EBF4: variants seen among roughly 807,000 people sequenced by gnomAD.
EBF4 encodes the protein transcription factor COE4.
In EBF4, 34 loss-of-function variants were observed where a neutral mutation model predicts 67.1. The observed-to-expected ratio is 0.51, with a 90% confidence interval of 0.39 to 0.67. The LOEUF (loss-of-function observed/expected upper bound fraction) is 0.67. Ranked by LOEUF, EBF4 falls within the 30% of genes least tolerant of loss-of-function variation. The probability of loss-of-function intolerance (pLI) is 0.00; values close to 1 mark genes in which losing one functional copy is unlikely to be tolerated. For missense variants in EBF4, 837 were observed against 873.3 expected, an observed-to-expected ratio of 0.96 and a Z score of 0.52; for synonymous variants, 387 against 377.7, an observed-to-expected ratio of 1.02 and a Z score of -0.29.
At chr20:2,708,136 T>G in intron 5 of EBF4, 116 bp downstream of exon 5, 2 of 1,042,898 alleles carry the variant, frequency 1.9e-6, no homozygotes, top group African/African-American at 1.6e-5. Context: ...TGCTGCTCCC[T>G]GGAGAAGCCT....
intron 1 of EBF4, among the ~76,000 whole-genome samples, chr20:2,695,198 G>C (rs775777090): frequency 3.3e-5 from 5 of 151,730 alleles, no homozygotes; most frequent in Non-Finnish European, 5.9e-5. Context: ...GCTGTGTGGC[G>C]AGAGCTCTTT....
In EBF4 at chr20:2,756,120, C is replaced by T. The variant is rs2088239621; in HGVS notation, c.1738+296C>T. Among the ~76,000 whole-genome samples the T allele has an allele frequency of 6.6e-6, 1 of 152,224 alleles. No homozygotes were observed. The highest frequency in any genetic ancestry group is 2.4e-5 in the African/African-American group (1 of 41,450). ...GAGGTCTAGAAACTACCCCAACACT[C>T]CATCCCCATCCAGCTGAGCCCAGAG... On this transcript the variant is annotated intron_variant, in intron 15 of 16. Transcript: ENST00000609451. This position sits in a 1 kb window ranked among gnomAD's most constrained non-coding sequence, Gnocchi z 4.5.
chr20:2,742,863 C>T (rs912144842), intron 6 of EBF4, among the ~76,000 whole-genome samples: 1 of 152,196 alleles, frequency 6.6e-6, no homozygotes, highest in Non-Finnish European at 1.5e-5. Flanking sequence ...TCAAGCCCCT[C>T]AACAAAGTGC....
At chr20:2,732,437 A>G (rs907485524) in intron 6 of EBF4, among the ~76,000 whole-genome samples, 3 of 152,214 alleles carry the variant, frequency 2.0e-5, no homozygotes, top group Non-Finnish European at 4.4e-5. Flanking sequence ...TTAGATACAC[A>G]TGCTTATAAT....
intron 6 of EBF4, among the ~76,000 whole-genome samples, chr20:2,729,846 T>TC (rs1165653832): frequency 6.6e-6 from 1 of 152,136 alleles, no homozygotes; most frequent in Non-Finnish European, 1.5e-5. Flanking sequence ...TTCAATTTCC[T>TC]CCCTCACAGG....
At chr20:2,705,647 C>T (rs775299839) in exon 2 of EBF4, 6 of 1,553,330 alleles carry the variant, frequency 3.9e-6, no homozygotes, top group Non-Finnish European at 5.2e-6. Flanking sequence ...CAACTTCTTC[C>T]ACTTCGTGCT....
In EBF4 at chr20:2,705,656, CT is replaced by C. The variant is rs1257143530; in HGVS notation, c.218del (p.Leu73ArgfsTer128). 6.4e-7 allele frequency: 1 copy of C among 1,553,092 alleles called. No homozygotes were observed. The highest frequency in any genetic ancestry group is 1.4e-5 in the African/African-American group (1 of 73,206). On this transcript the variant is annotated frameshift_variant, in exon 2 of 17. Coordinates refer to ENST00000609451, the Ensembl canonical transcript of EBF4. LOFTEE classifies it high-confidence loss of function. ...GAAATCCAACTTCTTCCACTTCGTGCTGGCCATGTACGACCGGCAGGGGCAG... is the reference window on the plus strand; with the variant it reads ...GAAATCCAACTTCTTCCACTTCGTGCGGCCATGTACGACCGGCAGGGGCAG...
At chr20:2,718,756 T>C (rs8124547) in intron 6 of EBF4, among the ~76,000 whole-genome samples, 14,276 of 152,190 alleles carry the variant, frequency 0.094, 1,806 homozygotes, top group African/African-American at 0.29. Context: ...TTCTCTATCA[T>C]TTTTCTGTTT....
chr20:2,747,677 G>T lies in EBF4; in HGVS notation c.558-872G>T, dbSNP rs1387550449. 6.6e-6 allele frequency among the ~76,000 whole-genome samples: 1 copy of T among 152,160 alleles called. No individual in the cohort carries two copies. Among genetic ancestry groups the T allele is most frequent in the African/African-American group, 2.4e-5 (1 of 41,424 alleles). ...CATGTGGGAGGTGAATTTGCTGGGG[G>T]CATCTGCTATATGGGATGGCTTTAC... On this transcript the variant is annotated intron_variant, in intron 6 of 16. Transcript: ENST00000609451. This position sits in a 1 kb window ranked among gnomAD's most constrained non-coding sequence, Gnocchi z 4.6.
At chr20:2,741,759 A>G (rs905348626) in intron 6 of EBF4, among the ~76,000 whole-genome samples, 7 of 152,178 alleles carry the variant, frequency 4.6e-5, no homozygotes, top group Non-Finnish European at 1.0e-4. Context: ...CATTAGTTGG[A>G]TGACCACTGT....
intron 1 of EBF4, among the ~76,000 whole-genome samples, chr20:2,695,844 A>G (rs1288612826): frequency 6.6e-6 from 1 of 152,056 alleles, no homozygotes; most frequent in Non-Finnish European, 1.5e-5. Context: ...TGCTCTCCCA[A>G]AAGACTCCCT....
intron 15 of EBF4, among the ~76,000 whole-genome samples, chr20:2,757,608 T>TG (rs2088265366): frequency 6.6e-6 from 1 of 152,136 alleles, no homozygotes; most frequent in East Asian, 1.9e-4. Flanking sequence ...GCTGAAGGTA[T>TG]GTGGGTGGGA....
At position 2,752,475 on chromosome 20, in the gene EBF4, C is replaced by T. The variant is rs1301906236; in HGVS notation, c.1470C>T (p.Gly490=). Residue 490 remains glycine (G), a synonymous_variant, in exon 14 of 17, where the codon GGC becomes GGT. Coordinates refer to ENST00000609451, the Ensembl canonical transcript of EBF4. Reference sequence around the variant, plus strand: ...GCCTGGGCGGCTACGGCGCGCCGGGCGTGGCCGGCCTCGGCGTGCCTGGGT... The same window carrying T: ...GCCTGGGCGGCTACGGCGCGCCGGGTGTGGCCGGCCTCGGCGTGCCTGGGT... 6.3e-6 allele frequency: 8 copies of T among 1,265,078 alleles called. No individual in the cohort carries two copies. The Admixed American group carries it at 1.7e-4, about 26-fold the overall frequency. 78.4% of individuals were successfully genotyped at this position (1,265,078 alleles called of 1,614,324 possible).
chr20:2,728,283 G>A (rs2087770219), intron 6 of EBF4, among the ~76,000 whole-genome samples: 1 of 152,134 alleles, frequency 6.6e-6, no homozygotes, highest in Non-Finnish European at 1.5e-5. Context: ...CCACTCTCAT[G>A]AAATAAAAAT....
rs144043449 is a variant in EBF4 at position 2,751,076 on chromosome 20, TAC to T, written c.1019-613_1019-612del. ...CGTGGGGAGCTGGGTCAGACGCGCA[TAC>T]ACACACACACCCCTTGCACAACGCC... On this transcript the variant is annotated intron_variant, in intron 10 of 16. Transcript: ENST00000609451. This position sits in a 1 kb window ranked among gnomAD's most constrained non-coding sequence, Gnocchi z 5.2. 6.6e-6 allele frequency among the ~76,000 whole-genome samples: 1 copy of T among 151,384 alleles called. No homozygotes were observed. Among genetic ancestry groups the T allele is most frequent in the Non-Finnish European group, 1.5e-5 (1 of 67,792 alleles).
At chr20:2,738,906 A>G (rs2087927826) in intron 6 of EBF4, among the ~76,000 whole-genome samples, 1 of 152,170 alleles carries the variant, frequency 6.6e-6, no homozygotes, top group African/African-American at 2.4e-5. Flanking sequence ...GTGCGGGTGC[A>G]TTGGCATGCT....
chr20:2,700,058 C>A (rs1172750754), intron 1 of EBF4, among the ~76,000 whole-genome samples: 3 of 152,208 alleles, frequency 2.0e-5, no homozygotes, highest in African/African-American at 7.2e-5. Context: ...TAGAAGCCCT[C>A]CACCAGTGAC....
chr20:2,751,948 C>T lies in EBF4; in HGVS notation c.1134C>T (p.Asp378=). The change falls in exon 12 of 17, where the codon GAC becomes GAT. Residue 378 remains aspartate (D), a synonymous_variant. Transcript: ENST00000609451. This position sits in a 1 kb window ranked among gnomAD's most constrained non-coding sequence, Gnocchi z 5.2. The stretch of plus-strand genomic sequence containing the variant: ...AAGTGCTGCTGAAGCGGGCGGCCGA[C>T]TTGGCAGAAGCCCTGTACGGAGTGC... 5.8e-6 allele frequency: 9 copies of T among 1,549,196 alleles called. No homozygotes were observed. The highest frequency in any genetic ancestry group is 7.8e-6 in the Non-Finnish European group (9 of 1,146,790).
At position 2,693,882 on chromosome 20, in the gene EBF4, C is replaced by T; in HGVS notation, c.137+100C>T. 7 of 1,243,490 alleles carry T rather than the reference C, an allele frequency of 5.6e-6. No individual in the cohort carries two copies. The highest frequency in any genetic ancestry group is 7.1e-6 in the Non-Finnish European group (7 of 990,836). The allele number at this position is 1,243,490 out of a possible 1,614,324, so 77.0% of individuals were successfully genotyped here. A position where few individuals can be genotyped will look rare whatever the true frequency, so the allele number is the denominator to read the frequency against. ...GCTGGAGCCAGGGGCGGAAGGAGCC[C>T]TAACTCTGGACGGTCCCGGCGAGCT... On this transcript the variant is annotated intron_variant, in intron 1 of 16. Coordinates refer to ENST00000609451, the Ensembl canonical transcript of EBF4. The surrounding 1 kb of genome is among the most constrained non-coding windows in gnomAD (Gnocchi z 4.6).
Sources: gnomAD v4.1 joint callset for allele counts (sites outside exome capture counted in the v4.1 genomes callset) on GRCh38, gnomAD v4.1.1 for gene constraint, Gnocchi (gnomAD v3.1) non-coding constraint, MANE v1.5 for transcripts, NCBI Gene and HGNC (gene_info 2026-07-23, HGNC 2026-07-21) for gene names.